DOCK3: variants seen among roughly 807,000 people sequenced by gnomAD.
DOCK3 encodes dedicator of cytokinesis protein 3.
In DOCK3, 60 loss-of-function variants were observed where a neutral mutation model predicts 265.6. The observed-to-expected ratio is 0.23, with a 90% CI of 0.18 to 0.28. DOCK3 has a LOEUF of 0.28. DOCK3 is among the 10% of genes least tolerant of loss of function. DOCK3 has a pLI of 1.00. For synonymous variants in DOCK3, 881 were observed against 938.0 expected, an observed-to-expected ratio of 0.94 and a Z score of 1.11; for missense variants, 1,981 against 2,594.3, an observed-to-expected ratio of 0.76 and a Z score of 5.14.
chr3:51,145,489 G>A (rs567888657), intron 9 of DOCK3, among the ~76,000 whole-genome samples: 27 of 152,246 alleles, frequency 1.8e-4, no homozygotes, highest in African/African-American at 6.3e-4. Context: ...AAGACCTAAA[G>A]CAAGCTTGTC....
rs751687826 is a variant in DOCK3 at position 51,159,321 on chromosome 3, C to G, written c.889+17C>G. The G allele has an allele frequency of 1.2e-6, 2 of 1,608,576 alleles. No individual in the cohort carries two copies. The highest frequency in any genetic ancestry group is 8.5e-7 in the Non-Finnish European group (1 of 1,176,250). ...TCCGAATAGGTACTGTTCACCTTAC[C>G]CATTCACATGACTAAGAATGGCCCA... On this transcript the variant is annotated intron_variant, in intron 11 of 52. Transcript: ENST00000266037.
chr3:50,930,260 C>T (rs948601226), intron 4 of DOCK3, among the ~76,000 whole-genome samples: 14 of 152,240 alleles, frequency 9.2e-5, no homozygotes, highest in Non-Finnish European at 2.1e-4. Flanking sequence ...ACACAACACT[C>T]CTTTAACATC....
intron 5 of DOCK3, among the ~76,000 whole-genome samples, chr3:50,936,021 A>G (rs141094499): frequency 6.7e-4 from 102 of 152,350 alleles, no homozygotes; most frequent in African/African-American, 2.4e-3. Flanking sequence ...ACTTTTAAAC[A>G]GCTTTTGTAA....
At chr3:50,737,865 G>A (rs1559572335) in intron 1 of DOCK3, among the ~76,000 whole-genome samples, 1 of 152,188 alleles carries the variant, frequency 6.6e-6, no homozygotes, top group African/African-American at 2.4e-5. Flanking sequence ...ATATAAGACA[G>A]TTATTTTGAA....
Position 51,280,207 on chromosome 3 carries a change from A to C in DOCK3, c.2922+3A>C. On this transcript the variant is annotated splice_donor_region_variant and intron_variant, in intron 27 of 52. Coordinates refer to ENST00000266037, the MANE Select transcript of DOCK3 (RefSeq NM_004947.5). ...TCCAGAGCAAAGATGAACTCAAGGT[A>C]GGCAGTAGAACACCTTTCCTCTGGG... The C allele has an allele frequency of 6.2e-7, 1 of 1,612,678 alleles. No individual in the cohort carries two copies. Among genetic ancestry groups the C allele is most frequent in the South Asian group, 1.1e-5 (1 of 90,810 alleles).
chr3:50,879,610 G>A (rs2047919705), intron 3 of DOCK3, among the ~76,000 whole-genome samples: 1 of 152,114 alleles, frequency 6.6e-6, no homozygotes, highest in Non-Finnish European at 1.5e-5. Flanking sequence ...CCCAGTACAG[G>A]AGCACCCAGA....
intron 12 of DOCK3, among the ~76,000 whole-genome samples, chr3:51,178,584 C>T (rs2087105315): frequency 6.6e-6 from 1 of 152,198 alleles, no homozygotes; most frequent in African/African-American, 2.4e-5. Context: ...GCTGGGGGAC[C>T]TTGGAAGAGT....
At chr3:50,996,154 A>G (rs765722453) in intron 5 of DOCK3, among the ~76,000 whole-genome samples, 60 of 151,800 alleles carry the variant, frequency 4.0e-4, no homozygotes, top group Non-Finnish European at 7.2e-4. Flanking sequence ...GATTACAGGC[A>G]TGAGCCACTG....
chr3:51,097,919 A>T (rs1358521744), intron 9 of DOCK3, among the ~76,000 whole-genome samples: 1 of 152,082 alleles, frequency 6.6e-6, no homozygotes, highest in African/African-American at 2.4e-5. Context: ...ACCCTGCTTC[A>T]GCTCACCCTC....
chr3:51,146,045 GC>G (rs1295945772), intron 9 of DOCK3, among the ~76,000 whole-genome samples: 5 of 152,190 alleles, frequency 3.3e-5, no homozygotes, highest in African/African-American at 1.2e-4. Context: ...CTGCTGTGCG[GC>G]CCAGTTCCTC....
At chr3:50,881,538 C>T (rs1162275269) in intron 3 of DOCK3, among the ~76,000 whole-genome samples, 2 of 152,054 alleles carry the variant, frequency 1.3e-5, no homozygotes, top group African/African-American at 4.8e-5. Context: ...GAGTAAAATA[C>T]CTAGGAATCC....
intron 10 of DOCK3, among the ~76,000 whole-genome samples, chr3:51,149,764 G>A (rs1019472806): frequency 5.3e-5 from 8 of 152,162 alleles, no homozygotes; most frequent in Admixed American, 5.2e-4. Context: ...GAGGATTTTT[G>A]CATCGACGTT....
chr3:50,996,753 C>T (rs7618674), intron 5 of DOCK3, among the ~76,000 whole-genome samples: 150,655 of 152,314 alleles, frequency 0.99, 74,535 homozygotes, highest in Middle Eastern at 1. Flanking sequence ...TTATTCTCTC[C>T]ATACAACAGG....
intron 1 of DOCK3, among the ~76,000 whole-genome samples, chr3:50,752,171 A>G (rs11927030): frequency 0.048 from 7,318 of 152,234 alleles, 249 homozygotes; most frequent in Non-Finnish European, 0.075. Flanking sequence ...TTTGTAAGAA[A>G]GGTGTGTTAG....
chr3:50,837,727 G>A (rs921576514), intron 2 of DOCK3, among the ~76,000 whole-genome samples: 49 of 152,142 alleles, frequency 3.2e-4, no homozygotes, highest in Admixed American at 1.4e-3. Flanking sequence ...TAACATTTGG[G>A]CAGAGAACAG....
At chr3:50,739,417 C>A (rs1040224168) in intron 1 of DOCK3, among the ~76,000 whole-genome samples, 7 of 151,944 alleles carry the variant, frequency 4.6e-5, no homozygotes, top group African/African-American at 7.3e-5. Context: ...TCTACAGTAC[C>A]TTCCTTCAGA....
At chr3:51,012,934 C>T (rs113603155) in intron 5 of DOCK3, among the ~76,000 whole-genome samples, 4 of 152,094 alleles carry the variant, frequency 2.6e-5, no homozygotes, top group African/African-American at 4.8e-5. Flanking sequence ...TCTACTTGAT[C>T]GAATCAGCTA....
At chr3:50,702,008 C>G (rs2036073130) in intron 1 of DOCK3, among the ~76,000 whole-genome samples, 1 of 152,170 alleles carries the variant, frequency 6.6e-6, no homozygotes, top group African/African-American at 2.4e-5. Context: ...TGTGATGCCT[C>G]TAGCTTTGTT....
At chr3:50,719,268 C>CTTTTTTTTT (rs71084106) in intron 1 of DOCK3, among the ~76,000 whole-genome samples, 1 of 138,650 alleles carries the variant, frequency 7.2e-6, no homozygotes, top group Non-Finnish European at 1.6e-5. Context: ...TAGATATTTT[C>CTTTTTTTTT]TTTTTTTTTT....
Sources: allele counts gnomAD v4.1 joint callset (sites outside exome capture counted in the v4.1 genomes callset), GRCh38; gene constraint gnomAD v4.1.1; transcripts MANE v1.5; gene names NCBI Gene and HGNC (gene_info 2026-07-23, HGNC 2026-07-21).